Variants in ACAP2 observed in about 807,000 individuals in gnomAD.
The protein encoded by ACAP2 is ArfGAP with coiled-coil, ankyrin repeat and PH domains 2.
Under a neutral mutation model 115.8 loss-of-function variants are expected in ACAP2, and 39 were observed. The ratio of observed to expected loss-of-function variants is 0.34; its 90% confidence interval spans 0.26 to 0.44. The LOEUF (loss-of-function observed/expected upper bound fraction) is 0.44, where lower values mean the gene tolerates loss of function less well. ACAP2 is among the 20% of genes least tolerant of loss of function. The pLI is 1.00. For synonymous variants in ACAP2, 289 were observed against 315.8 expected, an observed-to-expected ratio of 0.92 and a Z score of 0.90; for missense variants, 662 against 927.6, an observed-to-expected ratio of 0.71 and a Z score of 3.72.
intron 8 of ACAP2, among the ~76,000 whole-genome samples, chr3:195,327,889 C>T (rs569204362): frequency 4.1e-4 from 63 of 152,172 alleles, no homozygotes; most frequent in African/African-American, 1.5e-3. Context: ...CAAGATCGCA[C>T]CACTGCACAT....
chr3:195,442,750 C>T (rs1716115653), intron 1 of ACAP2, 45 bp downstream of exon 1: 2 of 1,523,700 alleles, frequency 1.3e-6, no homozygotes, highest in Non-Finnish European at 1.8e-6. Context: ...CCCCCAGCGC[C>T]GGGAAGGCAG....
At chr3:195,425,026 C>CAAA (rs10690317) in intron 1 of ACAP2, among the ~76,000 whole-genome samples, 382 of 26,650 alleles carry the variant, frequency 0.014, 72 homozygotes, top group African/African-American at 0.033. Context: ...GACTCCGTCT[C>CAAA]AAAAAAAAAA....
Position 195,345,256 on chromosome 3 carries a change from T to C in ACAP2, c.344+3A>G. 6.2e-7 allele frequency: 1 copy of C among 1,607,018 alleles called. No homozygotes were observed. The highest frequency in any genetic ancestry group is 1.1e-5 in the South Asian group (1 of 90,596). On this transcript the variant is annotated splice_donor_region_variant and intron_variant, in intron 5 of 22. Transcript: ENST00000326793. ...TCTTTCCTCTTCACCGCAATTGACT[T>C]ACTCTTTAACAAAGTTCTGAAGCTG...
chr3:195,433,396 T>TA (rs1433407453), intron 1 of ACAP2, among the ~76,000 whole-genome samples: 3 of 152,246 alleles, frequency 2.0e-5, no homozygotes, highest in African/African-American at 7.2e-5. Flanking sequence ...ACTTATTATC[T>TA]AAAAATATAG....
rs558491882 is a variant in ACAP2, at chr3:195,301,629, A to G, written c.1341T>C (p.His447=). The change falls in exon 15 of 23, where the codon CAT becomes CAC. Residue 447 remains histidine, a synonymous_variant. Coordinates refer to ENST00000326793, the MANE Select transcript of ACAP2 (RefSeq NM_012287.6). ...CSGIHRSLGV[H]FSKVRSLTLD... The stretch of plus-strand genomic sequence containing the variant: ...AAGTTAAAGATCGTACTTTTGAAAA[A>G]TGAACCCCAAGGCTCCTAAGTGGAA... 3 of 1,613,530 alleles carry G rather than the reference A, an allele frequency of 1.9e-6. No individual in the cohort carries two copies. The South Asian group carries it at 3.3e-5, about 18-fold the overall frequency.
chr3:195,364,466 G>A (rs1732579920), intron 4 of ACAP2, among the ~76,000 whole-genome samples: 1 of 152,126 alleles, frequency 6.6e-6, no homozygotes, highest in Non-Finnish European at 1.5e-5. Flanking sequence ...AGCACTTAGG[G>A]AGGCCGAGGC....
intron 13 of ACAP2, among the ~76,000 whole-genome samples, chr3:195,303,217 C>T (rs543959375): frequency 1.3e-5 from 2 of 151,700 alleles, no homozygotes; most frequent in Non-Finnish European, 2.9e-5. Context: ...AGTGAGACTC[C>T]GTCATATGAG....
intron 15 of ACAP2, among the ~76,000 whole-genome samples, chr3:195,298,038 A>T (rs1201766630): frequency 6.6e-6 from 1 of 152,228 alleles, no homozygotes; most frequent in African/African-American, 2.4e-5. Context: ...CTGAAAAATC[A>T]TACGTAGGTA....
At chr3:195,320,648 G>T in intron 10 of ACAP2, 53 bp downstream of exon 10, 1 of 1,305,248 alleles carries the variant, frequency 7.7e-7, no homozygotes, top group Non-Finnish European at 1.1e-6. Context: ...CACAGGGAAA[G>T]TCAGAAAATC....
intron 10 of ACAP2, 120 bp from the exon 11 acceptor site, chr3:195,308,957 C>T: frequency 2.1e-6 from 2 of 939,266 alleles, no homozygotes; most frequent in Non-Finnish European, 1.6e-6. Context: ...TTTGAGAAGT[C>T]CACTGTATTA....
At chr3:195,430,673 C>T (rs1227539666) in intron 1 of ACAP2, among the ~76,000 whole-genome samples, 1 of 152,044 alleles carries the variant, frequency 6.6e-6, no homozygotes, top group Non-Finnish European at 1.5e-5. Context: ...CGAGATTGCA[C>T]CACTGCACTC....
At chr3:195,322,526 T>G (rs1729516369) in intron 9 of ACAP2, among the ~76,000 whole-genome samples, 1 of 152,078 alleles carries the variant, frequency 6.6e-6, no homozygotes. Context: ...CGAAAAGACC[T>G]GATAATCCAA....
chr3:195,394,585 C>T (rs982909543), intron 1 of ACAP2, among the ~76,000 whole-genome samples: 6 of 152,182 alleles, frequency 3.9e-5, no homozygotes, highest in Non-Finnish European at 8.8e-5. Context: ...GGAAGCCGAG[C>T]TGGGCAGATC....
chr3:195,392,914 TTCATA>T (rs1734773296), intron 1 of ACAP2, among the ~76,000 whole-genome samples: 1 of 152,228 alleles, frequency 6.6e-6, no homozygotes, highest in Non-Finnish European at 1.5e-5. Context: ...TTATGCCATT[TTCATA>T]TATCTACTTG....
intron 13 of ACAP2, among the ~76,000 whole-genome samples, chr3:195,302,525 ATAT>A (rs1379269787): frequency 6.6e-6 from 1 of 152,234 alleles, no homozygotes; most frequent in Non-Finnish European, 1.5e-5. Context: ...AATGAAATAA[ATAT>A]TATTGTTTTA....
rs563878581 is a variant in ACAP2, at chr3:195,290,110, C to A, written c.2064-879G>T. On this transcript the variant is annotated intron_variant, in intron 20 of 22. Transcript: ENST00000326793. ...AAATAATGGCTGGGCAAGGTAAGCA[C>A]CTGTAATCTCAGCTACTCAGAAGGC... Among the ~76,000 whole-genome samples the A allele has an allele frequency of 3.3e-5, 5 of 152,174 alleles. No homozygotes were observed. The East Asian group carries it at 9.6e-4, about 29-fold the overall frequency.
At chr3:195,422,014 C>T (rs1714230784) in intron 1 of ACAP2, among the ~76,000 whole-genome samples, 1 of 152,068 alleles carries the variant, frequency 6.6e-6, no homozygotes, top group South Asian at 2.1e-4. Context: ...GTTTTGGATA[C>T]CAGACAACTT....
At position 195,327,824 on chromosome 3, in the gene ACAP2, G is replaced by A. The variant is rs1577306751; in HGVS notation, c.670-865C>T. Reference sequence around the variant, plus strand: ...CAGGTGCCTGTAATCCTACCTACTCGGGAGGCTGAGGCAGCAGAATCACTT... The same window carrying A: ...CAGGTGCCTGTAATCCTACCTACTCAGGAGGCTGAGGCAGCAGAATCACTT... On this transcript the variant is annotated intron_variant, in intron 8 of 22. Transcript: ENST00000326793. 4.6e-5 allele frequency among the ~76,000 whole-genome samples: 7 copies of A among 151,960 alleles called. No homozygotes were observed. The South Asian group carries it at 1.5e-3, about 32-fold the overall frequency.
At chr3:195,379,185 T>C (rs1479312551) in intron 4 of ACAP2, among the ~76,000 whole-genome samples, 1 of 152,092 alleles carries the variant, frequency 6.6e-6, no homozygotes, top group Non-Finnish European at 1.5e-5. Context: ...ATACTAGAGC[T>C]AAAACCATAA....
Sources: allele counts gnomAD v4.1 joint callset (sites outside exome capture counted in the v4.1 genomes callset), GRCh38; gene constraint gnomAD v4.1.1; transcripts MANE v1.5; gene names NCBI Gene and HGNC (gene_info 2026-07-23, HGNC 2026-07-21).